The following SLC22A23 variants were observed in gnomAD, a reference collection of about 807,000 sequenced individuals.
SLC22A23 encodes ion transporter protein.
Under a neutral mutation model 61.0 loss-of-function variants are expected in SLC22A23, and 26 were observed. The ratio of observed to expected loss-of-function variants is 0.43; its 90% CI spans 0.31 to 0.59. The LOEUF (loss-of-function observed/expected upper bound fraction) is 0.59. Ranked by LOEUF, SLC22A23 falls within the 20% of genes least tolerant of loss-of-function variation. The pLI is 0.11. For synonymous variants in SLC22A23, 430 were observed against 413.9 expected, an observed-to-expected ratio of 1.04 and a Z score of -0.47; for missense variants, 796 against 934.7, an observed-to-expected ratio of 0.85 and a Z score of 1.94.
At chr6:3,389,132 G>A (rs755129074) in intron 3 of SLC22A23, among the ~76,000 whole-genome samples, 8 of 151,770 alleles carry the variant, frequency 5.3e-5, no homozygotes, top group Non-Finnish European at 1.0e-4. Flanking sequence ...GCTGGGTGTG[G>A]TGGAGCATGC....
At chr6:3,455,854 A>AC in intron 1 of SLC22A23, 52 bp downstream of exon 1, 1 of 1,454,422 alleles carries the variant, frequency 6.9e-7, no homozygotes. Flanking sequence ...TCGGGCTTGG[A>AC]CCTCGGTCTG....
rs1226706508 is a variant in SLC22A23 at position 3,322,687 on chromosome 6, G to A, written c.1082+1147C>T. Among the ~76,000 whole-genome samples, 2 of 152,142 alleles carry A rather than the reference G, an allele frequency of 1.3e-5. No individual in the cohort carries two copies. Among genetic ancestry groups the A allele is most frequent in the African/African-American group, 4.8e-5 (2 of 41,428 alleles). ...TCGGGGAAACCGCACCTGCACCCTC[G>A]CAGTACATCTACTACCAGGGCAGGG... On this transcript the variant is annotated intron_variant, in intron 4 of 9. Transcript: ENST00000406686. This position sits in a 1 kb window ranked among gnomAD's most constrained non-coding sequence, Gnocchi z 4.1.
At chr6:3,399,081 C>G (rs1453383184) in intron 3 of SLC22A23, among the ~76,000 whole-genome samples, 1 of 138,282 alleles carries the variant, frequency 7.2e-6, no homozygotes. Flanking sequence ...ACTCAGAAGG[C>G]CCCTGAGTCT....
At chr6:3,442,513 T>TGA (rs1302838218) in intron 1 of SLC22A23, among the ~76,000 whole-genome samples, 1 of 152,252 alleles carries the variant, frequency 6.6e-6, no homozygotes, top group African/African-American at 2.4e-5. Context: ...TATATCCATC[T>TGA]GAGAACAGTG....
At chr6:3,401,705 C>T (rs565173162) in intron 3 of SLC22A23, among the ~76,000 whole-genome samples, 2 of 152,314 alleles carry the variant, frequency 1.3e-5, no homozygotes, top group Admixed American at 6.5e-5. Flanking sequence ...ACCACACAGT[C>T]GGTTCCTCCC....
intron 1 of SLC22A23, among the ~76,000 whole-genome samples, chr6:3,420,529 T>C (rs1770051781): frequency 6.6e-6 from 1 of 152,060 alleles, no homozygotes; most frequent in East Asian, 1.9e-4. Context: ...GAAGTGAAGA[T>C]AAAATCTCCA....
Position 3,269,916 on chromosome 6 carries a change from TTTTC to T in SLC22A23, c.*3135_*3138del, listed in dbSNP as rs1371406368. The T allele has an allele frequency of 6.5e-6, 1 of 152,828 alleles. No homozygotes were observed. Among genetic ancestry groups the T allele is most frequent in the African/African-American group, 2.4e-5 (1 of 41,466 alleles). 9.5% of individuals were successfully genotyped at this position (152,828 alleles called of 1,614,324 possible). On this transcript the variant is annotated 3_prime_UTR_variant, in exon 10 of 10. Coordinates refer to ENST00000406686, the MANE Select transcript of SLC22A23 (RefSeq NM_015482.2). ...ACTTCCCTTACGAGGTTTGTTTTTG[TTTTC>T]TTTCTGTTCTGTAGCCAAACCAATT...
chr6:3,371,505 G>T (rs939693509), intron 3 of SLC22A23, among the ~76,000 whole-genome samples: 1 of 152,184 alleles, frequency 6.6e-6, no homozygotes, highest in Admixed American at 6.5e-5. Context: ...ACAGGCAGCT[G>T]GCTTTGGCCA....
rs947174538 is a variant in SLC22A23 at position 3,308,760 on chromosome 6, T to C, written c.1083-10542A>G. On this transcript the variant is annotated intron_variant, in intron 4 of 9. Transcript: ENST00000406686. The surrounding 1 kb of genome is among the most constrained non-coding windows in gnomAD (Gnocchi z 5.1). ...GAGTTCAAGACCAGCCTGACCAACA[T>C]GGTGAAACCCCGTCTCTACTAAAAA... Among the ~76,000 whole-genome samples the C allele has an allele frequency of 2.6e-5, 4 of 152,026 alleles. No individual in the cohort carries two copies. Among genetic ancestry groups the C allele is most frequent in the African/African-American group, 9.7e-5 (4 of 41,386 alleles).
intron 9 of SLC22A23, among the ~76,000 whole-genome samples, chr6:3,277,299 C>T (rs1438913926): frequency 6.6e-6 from 1 of 151,986 alleles, no homozygotes; most frequent in Non-Finnish European, 1.5e-5. Flanking sequence ...CCACCCTGGC[C>T]TTCCTCTCGG....
rs1189014774 is a variant in SLC22A23 at position 3,326,024 on chromosome 6, C to G, written c.914-2022G>C. Among the ~76,000 whole-genome samples, 3 of 152,196 alleles carry G rather than the reference C, an allele frequency of 2.0e-5. No individual in the cohort carries two copies. The East Asian group carries it at 5.8e-4, about 29-fold the overall frequency. ...AACTACACTTCTTTTACCAGAGTCT[C>G]CCTTTGGGATGTCTAACCCCACATC... On this transcript the variant is annotated intron_variant, in intron 3 of 9. Coordinates refer to ENST00000406686, the MANE Select transcript of SLC22A23 (RefSeq NM_015482.2).
intron 4 of SLC22A23, among the ~76,000 whole-genome samples, chr6:3,301,123 T>C (rs756700388): frequency 3.9e-5 from 6 of 152,240 alleles, no homozygotes; most frequent in Non-Finnish European, 8.8e-5. Context: ...CATTTTGCTG[T>C]ATTTTAAAAA....
At chr6:3,331,138 A>G (rs9503541) in intron 3 of SLC22A23, among the ~76,000 whole-genome samples, 37,475 of 152,126 alleles carry the variant, frequency 0.25, 5,960 homozygotes, top group African/African-American at 0.44. Context: ...TGATTAAGGG[A>G]CTGGTCCAAG....
In SLC22A23 at chr6:3,317,927, T is replaced by A. The variant is rs1318152045; in HGVS notation, c.1082+5907A>T. 6.6e-6 allele frequency among the ~76,000 whole-genome samples: 1 copy of A among 152,152 alleles called. No individual in the cohort carries two copies. Among genetic ancestry groups the A allele is most frequent in the African/African-American group, 2.4e-5 (1 of 41,428 alleles). Reference sequence around the variant, plus strand: ...ATGGCCCAGAAGGCTCAACATATTATAAGCATCCCCAGGCAGCTCGTGCAA... The same window carrying A: ...ATGGCCCAGAAGGCTCAACATATTAAAAGCATCCCCAGGCAGCTCGTGCAA... On this transcript the variant is annotated intron_variant, in intron 4 of 9. Coordinates refer to ENST00000406686, the MANE Select transcript of SLC22A23 (RefSeq NM_015482.2). The surrounding 1 kb of genome is among the most constrained non-coding windows in gnomAD (Gnocchi z 4.4).
At chr6:3,385,060 G>A (rs1020988706) in intron 3 of SLC22A23, among the ~76,000 whole-genome samples, 2 of 152,158 alleles carry the variant, frequency 1.3e-5, no homozygotes, top group Admixed American at 6.5e-5. Context: ...AAAGGAGAAC[G>A]GCGGTTACCA....
At position 3,309,165 on chromosome 6, in the gene SLC22A23, G is replaced by A. The variant is rs1762198364; in HGVS notation, c.1083-10947C>T. ...AAAACGCAAAAATTAGCCAAGCATGGTGGCGGCTGCCTATAATCCCAGCTA... is the reference window on the plus strand; with the variant it reads ...AAAACGCAAAAATTAGCCAAGCATGATGGCGGCTGCCTATAATCCCAGCTA... On this transcript the variant is annotated intron_variant, in intron 4 of 9. Coordinates refer to ENST00000406686, the MANE Select transcript of SLC22A23 (RefSeq NM_015482.2). This position sits in a 1 kb window ranked among gnomAD's most constrained non-coding sequence, Gnocchi z 4.7. 6.6e-6 allele frequency among the ~76,000 whole-genome samples: 1 copy of A among 152,074 alleles called. No homozygotes were observed. The highest frequency in any genetic ancestry group is 6.6e-5 in the Admixed American group (1 of 15,260).
chr6:3,280,208 C>A (rs1347645777), intron 9 of SLC22A23, among the ~76,000 whole-genome samples: 1 of 152,188 alleles, frequency 6.6e-6, no homozygotes, highest in Non-Finnish European at 1.5e-5. Flanking sequence ...CCATTCTCCA[C>A]CCCCGCCTAA....
At position 3,360,992 on chromosome 6, in the gene SLC22A23, G is replaced by A. The variant is rs1042475839; in HGVS notation, c.914-36990C>T. 6.6e-6 allele frequency among the ~76,000 whole-genome samples: 1 copy of A among 152,208 alleles called. No homozygotes were observed. Among genetic ancestry groups the A allele is most frequent in the Non-Finnish European group, 1.5e-5 (1 of 68,036 alleles). On this transcript the variant is annotated intron_variant, in intron 3 of 9. Transcript: ENST00000406686. The surrounding 1 kb of genome is among the most constrained non-coding windows in gnomAD (Gnocchi z 4.6). ...GCGGGGAGCTCGAGGCAGCAGGGAT[G>A]TCCAGGCCACAGAAGGTGTCCCACA...
chr6:3,406,245 C>T (rs796410661), intron 3 of SLC22A23, among the ~76,000 whole-genome samples: 25 of 152,294 alleles, frequency 1.6e-4, no homozygotes, highest in African/African-American at 6.0e-4. Flanking sequence ...GGACTTACTA[C>T]ATCCAACATC....
Sources: allele counts gnomAD v4.1 joint callset (sites outside exome capture counted in the v4.1 genomes callset), GRCh38; gene constraint gnomAD v4.1.1; non-coding constraint Gnocchi (gnomAD v3.1); transcripts MANE v1.5; gene names NCBI Gene and HGNC (gene_info 2026-07-23, HGNC 2026-07-21).